ATP2A2: variants seen among roughly 807,000 people sequenced by gnomAD.
The protein encoded by ATP2A2 is ATPase sarcoplasmic/endoplasmic reticulum Ca2+ transporting 2.
A neutral mutation model predicts 109.3 loss-of-function variants in ATP2A2; 14 were observed. The ratio of observed to expected loss-of-function variants is 0.13; its 90% confidence interval spans 0.08 to 0.20. The LOEUF is 0.20. Ranked by LOEUF, ATP2A2 falls within the 10% of genes least tolerant of loss-of-function variation. The pLI is 1.00. For missense variants in ATP2A2, 657 were observed against 1,321.6 expected (o/e 0.50, Z 7.80); for synonymous variants, 506 against 490.9 (o/e 1.03, Z -0.41).
At chr12:110,298,943 G>A (rs897124315) in intron 5 of ATP2A2, among the ~76,000 whole-genome samples, 1 of 152,102 alleles carries the variant, frequency 6.6e-6, no homozygotes, top group African/African-American at 2.4e-5. Flanking sequence ...TAGTATGTAA[G>A]ATCTTATTCA....
In ATP2A2 at chr12:110,339,207, T is replaced by C. The variant is rs1879124932; in HGVS notation, c.1420-74T>C. On this transcript the variant is annotated intron_variant, in intron 11 of 19. Coordinates refer to ENST00000539276, the MANE Select transcript of ATP2A2 (RefSeq NM_170665.4). The surrounding 1 kb of genome is among the most constrained non-coding windows in gnomAD (Gnocchi z 4.4). ...TTCCTAGCATCTGTCATGTAATAGG[T>C]GTGCTTACTGCTTGTTAGGTAAAAA... The C allele has an allele frequency of 1.3e-6, 2 of 1,576,820 alleles. No individual in the cohort carries two copies. Among genetic ancestry groups the C allele is most frequent in the Non-Finnish European group, 1.7e-6 (2 of 1,149,292 alleles).
chr12:110,338,810 C>T (rs1879087023), intron 11 of ATP2A2, among the ~76,000 whole-genome samples: 1 of 152,188 alleles, frequency 6.6e-6, no homozygotes, highest in South Asian at 2.1e-4. Context: ...GTCTTAATGA[C>T]CTGCTTCTAC....
intron 16 of ATP2A2, among the ~76,000 whole-genome samples, chr12:110,344,486 A>G (rs1407639729): frequency 1.3e-5 from 2 of 152,192 alleles, no homozygotes; most frequent in African/African-American, 2.4e-5. Flanking sequence ...ACTAGGCAGC[A>G]ATAGTTTGTC....
At chr12:110,332,727 G>A (rs748872650) in intron 9 of ATP2A2, 42 bp downstream of exon 9, 3 of 1,501,630 alleles carry the variant, frequency 2.0e-6, no homozygotes, top group South Asian at 2.3e-5. Flanking sequence ...TGGTGTGGCA[G>A]TTTAGTATTT....
intron 3 of ATP2A2, among the ~76,000 whole-genome samples, chr12:110,287,210 G>T (rs923764813): frequency 9.9e-5 from 15 of 151,990 alleles, no homozygotes; most frequent in African/African-American, 3.6e-4. Flanking sequence ...CCGAGATTGC[G>T]CCACTGCACT....
Position 110,334,129 on chromosome 12 carries a change from A to C in ATP2A2, c.1405A>C (p.Asn469His), listed in dbSNP as rs776436490. The change falls in exon 11 of 20, where the codon AAT becomes CAT. Residue 469 changes from asparagine (N) to histidine (H), a missense_variant. Physicochemically the swap from Asn to His is moderately conservative, Grantham distance 68. This residue lies in a region of ATP2A2 where 180 missense variants were observed against 329.1 expected (regional missense o/e 0.55). Coordinates refer to ENST00000539276, the MANE Select transcript of ATP2A2 (RefSeq NM_170665.4). ...LKGLSKIERANACNSVIKQLM... is the reference protein window; with the variant it reads ...LKGLSKIERAHACNSVIKQLM... ...GGGTCTTTCTAAAATAGAACGTGCA[A>C]ATGCCTGCAACTCAGTGAGTATTTG... 1.2e-6 allele frequency: 2 copies of C among 1,614,024 alleles called. No individual in the cohort carries two copies. The highest frequency in any genetic ancestry group is 1.1e-5 in the South Asian group (1 of 91,084).
chr12:110,290,969 T>G (rs1385586057), intron 3 of ATP2A2, among the ~76,000 whole-genome samples: 1 of 148,970 alleles, frequency 6.7e-6, no homozygotes, highest in Non-Finnish European at 1.5e-5. Context: ...AGTGCAATGG[T>G]GCGATCTTGG....
intron 5 of ATP2A2, among the ~76,000 whole-genome samples, chr12:110,316,623 C>T (rs1876695543): frequency 6.6e-6 from 1 of 152,158 alleles, no homozygotes; most frequent in Non-Finnish European, 1.5e-5. Flanking sequence ...TCAGTGATGT[C>T]TGAGTGACTC....
At position 110,281,479 on chromosome 12, in the gene ATP2A2, G is replaced by T. The variant is rs886048946; in HGVS notation, c.-311G>T. ...TCAAGAGAGCGGGGAGGGGGCTCGG[G>T]GGCCGCGGCCTGCCCTCCCGGCGGG... On this transcript the variant is annotated 5_prime_UTR_variant, in exon 1 of 20. Transcript: ENST00000539276. 8.7e-4 allele frequency: 149 copies of T among 171,978 alleles called. 1 individual carries two copies. The highest frequency in any genetic ancestry group is 1.2e-3 in the Non-Finnish European group (95 of 81,392). 10.7% of individuals were successfully genotyped at this position (171,978 alleles called of 1,614,324 possible). A position where few individuals can be genotyped will look rare whatever the true frequency, so the allele number is the denominator to read the frequency against.
intron 3 of ATP2A2, among the ~76,000 whole-genome samples, 185 bp from the exon 4 acceptor site, chr12:110,291,835 A>T (rs1409791177): frequency 3.3e-5 from 5 of 151,624 alleles, no homozygotes; most frequent in African/African-American, 1.2e-4. Context: ...TTTAGTAGAG[A>T]TGGGGTTTCG....
At chr12:110,292,347 A>G (rs1873406815) in intron 4 of ATP2A2, among the ~76,000 whole-genome samples, 1 of 151,478 alleles carries the variant, frequency 6.6e-6, no homozygotes, top group African/African-American at 2.4e-5. Flanking sequence ...GCTCACTGCA[A>G]CCTCTTCCTC....
intron 5 of ATP2A2, among the ~76,000 whole-genome samples, chr12:110,318,981 A>T (rs1263804329): frequency 6.6e-6 from 1 of 152,154 alleles, no homozygotes; most frequent in African/African-American, 2.4e-5. Flanking sequence ...GACTCTAGCT[A>T]TTGCATTTTT....
rs375047317 is a variant in ATP2A2 at position 110,346,106 on chromosome 12, C to G, written c.2847C>G (p.Val949=). The change falls in exon 19 of 20, where the codon GTC becomes GTG. Residue 949 remains valine, a synonymous_variant. Transcript: ENST00000539276. ...SMSLHFLILY[V]EPLPLIFQIT... Reference sequence around the variant, plus strand: ...CACTCCACTTCCTGATCCTCTATGTCGAACCCTTGCCAGTAAGTGGTTGGG... The same window carrying G: ...CACTCCACTTCCTGATCCTCTATGTGGAACCCTTGCCAGTAAGTGGTTGGG... 1.2e-6 allele frequency: 2 copies of G among 1,614,174 alleles called. No individual in the cohort carries two copies. Among genetic ancestry groups the G allele is most frequent in the Non-Finnish European group, 1.7e-6 (2 of 1,180,042 alleles).
At chr12:110,334,420 A>C in intron 11 of ATP2A2, 1 of 463,350 alleles carries the variant, frequency 2.2e-6, no homozygotes. Context: ...TCTTGCTCCT[A>C]GCAGAAGCCA....
chr12:110,285,355 C>CTA lies in ATP2A2; in HGVS notation c.219+2560_219+2561insTA, dbSNP rs1872557191. Among the ~76,000 whole-genome samples the CTA allele has an allele frequency of 4.6e-5, 7 of 152,272 alleles. No individual in the cohort carries two copies. In the South Asian group the frequency reaches 1.4e-3, roughly 32 times the overall value. Reference sequence around the variant, plus strand: ...TTGACACTGAAGACCCCCCCTCTATCATTCACTTTATCTTTTCATTCTCTT... The same window carrying CTA: ...TTGACACTGAAGACCCCCCCTCTATCTAATTCACTTTATCTTTTCATTCTCTT... On this transcript the variant is annotated intron_variant, in intron 3 of 19. Coordinates refer to ENST00000539276, the MANE Select transcript of ATP2A2 (RefSeq NM_170665.4).
intron 3 of ATP2A2, 81 bp from the exon 4 acceptor site, chr12:110,291,939 G>C: frequency 7.9e-7 from 1 of 1,259,490 alleles, no homozygotes; most frequent in Non-Finnish European, 1.2e-6. Context: ...GAGCCACCAT[G>C]CTCGGCCAGT....
rs1879177940 is a variant in ATP2A2, at chr12:110,339,806, G to C, written c.1761+85G>C. 1.4e-6 allele frequency: 2 copies of C among 1,432,104 alleles called. No individual in the cohort carries two copies. The allele number at this position is 1,432,104 out of a possible 1,614,324, so 88.7% of individuals were successfully genotyped here. On this transcript the variant is annotated intron_variant, in intron 13 of 19. Transcript: ENST00000539276. This position sits in a 1 kb window ranked among gnomAD's most constrained non-coding sequence, Gnocchi z 4.4. Reference sequence around the variant, plus strand: ...ACTCCTTCAAGCAAAAGGTCAAACAGTTCTCACTTTTGCCAAGAAAGAGGT... The same window carrying C: ...ACTCCTTCAAGCAAAAGGTCAAACACTTCTCACTTTTGCCAAGAAAGAGGT...
chr12:110,296,449 G>C, intron 4 of ATP2A2, 150 bp from the exon 5 acceptor site: 1 of 995,228 alleles, frequency 1.0e-6, no homozygotes, highest in East Asian at 2.4e-5. Flanking sequence ...CCTTGTGTCT[G>C]TTGCCTTAGA....
At chr12:110,280,862 C>A (rs959508391), upstream of ATP2A2, 1 of 152,428 alleles carries the variant, frequency 6.6e-6, no homozygotes, top group Non-Finnish European at 1.5e-5. Context: ...CGAGACGCCC[C>A]GCGTGGACCG....
Sources: allele counts gnomAD v4.1 joint callset (sites outside exome capture counted in the v4.1 genomes callset), GRCh38; gene constraint gnomAD v4.1.1; regional missense constraint gnomAD v4.1.1; non-coding constraint Gnocchi (gnomAD v3.1); transcripts MANE v1.5; gene names NCBI Gene and HGNC (gene_info 2026-07-23, HGNC 2026-07-21).